The following NYAP2 variants were observed in gnomAD, a reference collection of about 807,000 sequenced individuals.
The protein encoded by NYAP2 is neuronal tyrosine-phosphorylated phosphoinositide-3-kinase adaptor 2, also known as neuronal tyrosine-phosphorylated phosphoinositide-3-kinase adapter 2.
Under a neutral mutation model 50.4 loss-of-function variants are expected in NYAP2, and 23 were observed. The observed-to-expected ratio is 0.46, with a 90% CI of 0.33 to 0.65. NYAP2 has a LOEUF of 0.65. NYAP2 is among the 30% of genes least tolerant of loss of function. The pLI is 0.02. For synonymous variants in NYAP2, 394 were observed against 365.2 expected (o/e 1.08, Z -0.90); for missense variants, 885 against 861.0 (o/e 1.03, Z -0.35).
At chr2:225,558,556 G>A (rs1371192384) in intron 4 of NYAP2, among the ~76,000 whole-genome samples, 1 of 152,102 alleles carries the variant, frequency 6.6e-6, no homozygotes, top group African/African-American at 2.4e-5. Flanking sequence ...AACAGCCAGG[G>A]AACAGGTTCC....
intron 6 of NYAP2, among the ~76,000 whole-genome samples, chr2:225,643,690 G>A (rs866108050): frequency 2.6e-5 from 4 of 151,500 alleles, no homozygotes; most frequent in Non-Finnish European, 4.4e-5. Flanking sequence ...GAGAATATGC[G>A]GTGTTTGGTT....
intron 3 of NYAP2, among the ~76,000 whole-genome samples, chr2:225,508,689 C>G (rs1235217868): frequency 6.6e-6 from 1 of 152,156 alleles, no homozygotes; most frequent in Non-Finnish European, 1.5e-5. Context: ...AGGTCTTGAC[C>G]AGTGCAACAG....
chr2:225,525,222 C>T (rs774321572), intron 4 of NYAP2, among the ~76,000 whole-genome samples: 102 of 152,302 alleles, frequency 6.7e-4, no homozygotes, highest in Middle Eastern at 6.8e-3. Context: ...GCTGCAATCT[C>T]ACTACTAGGT....
intron 5 of NYAP2, among the ~76,000 whole-genome samples, chr2:225,591,458 A>G (rs529923041): frequency 6.6e-6 from 1 of 152,280 alleles, no homozygotes; most frequent in South Asian, 2.1e-4. Flanking sequence ...CAAAGAAACT[A>G]GTGGTAAGGA....
intron 3 of NYAP2, among the ~76,000 whole-genome samples, chr2:225,496,891 A>G (rs907848844): frequency 5.9e-5 from 9 of 152,278 alleles, no homozygotes; most frequent in African/African-American, 2.2e-4. Context: ...ACCAACTAAG[A>G]TACTGCCTCC....
At chr2:225,552,427 A>C (rs1387272814) in intron 4 of NYAP2, among the ~76,000 whole-genome samples, 2 of 152,196 alleles carry the variant, frequency 1.3e-5, no homozygotes, top group Non-Finnish European at 2.9e-5. Context: ...CACCAAATTC[A>C]TATGATGAAT....
At chr2:225,552,844 C>T (rs1454149110) in intron 4 of NYAP2, among the ~76,000 whole-genome samples, 2 of 152,136 alleles carry the variant, frequency 1.3e-5, no homozygotes, top group Non-Finnish European at 2.9e-5. Context: ...CCTGCCACCA[C>T]ACCTGACTAA....
intron 4 of NYAP2, among the ~76,000 whole-genome samples, chr2:225,523,471 A>G (rs1175733586): frequency 6.6e-6 from 1 of 152,106 alleles, no homozygotes; most frequent in Non-Finnish European, 1.5e-5. Context: ...AATCCCATTT[A>G]TAATAGCTAT....
At chr2:225,673,787 A>G in the NYAP2 span, among the ~76,000 whole-genome samples, 1 of 152,168 alleles carries the variant, frequency 6.6e-6, no homozygotes, top group African/African-American at 2.4e-5. Context: ...TGGTAAAACA[A>G]GAACATTCAG....
chr2:225,540,801 T>C (rs943127438), intron 4 of NYAP2, among the ~76,000 whole-genome samples: 1 of 152,222 alleles, frequency 6.6e-6, no homozygotes, highest in Non-Finnish European at 1.5e-5. Flanking sequence ...GGATATATAC[T>C]TAGTTGTGGG....
chr2:225,649,770 C>A lies in NYAP2; in HGVS notation c.1829-1662C>A, dbSNP rs569291200. On this transcript the variant is annotated intron_variant, in intron 6 of 6. Coordinates refer to ENST00000636099, the Ensembl canonical transcript of NYAP2. Reference sequence around the variant, plus strand: ...ACAACTCTCTGGCAAGTTCCTGGCACATAGTAGGCATAAAATACATAGATG... The same window carrying A: ...ACAACTCTCTGGCAAGTTCCTGGCAAATAGTAGGCATAAAATACATAGATG... Among the ~76,000 whole-genome samples the A allele has an allele frequency of 5.3e-5, 8 of 152,234 alleles. No homozygotes were observed. The South Asian group carries it at 1.2e-3, about 24-fold the overall frequency.
At chr2:225,696,362 G>C in the NYAP2 span, among the ~76,000 whole-genome samples, 460 of 151,912 alleles carry the variant, frequency 3.0e-3, 6 homozygotes, top group African/African-American at 0.011. Context: ...AAAACTACTA[G>C]GTATTCATCA....
chr2:225,640,787 T>G (rs1693513515), intron 6 of NYAP2, among the ~76,000 whole-genome samples: 1 of 152,214 alleles, frequency 6.6e-6, no homozygotes, highest in Non-Finnish European at 1.5e-5. Flanking sequence ...TATATATGCA[T>G]TATATTCATA....
chr2:225,523,173 A>G (rs1414486256), intron 4 of NYAP2, among the ~76,000 whole-genome samples: 2 of 152,046 alleles, frequency 1.3e-5, no homozygotes, highest in Non-Finnish European at 2.9e-5. Flanking sequence ...TGACACTTAT[A>G]AGTGGCCATA....
At chr2:225,518,372 T>C (rs1167327590) in intron 4 of NYAP2, among the ~76,000 whole-genome samples, 5 of 150,778 alleles carry the variant, frequency 3.3e-5, no homozygotes, top group Non-Finnish European at 7.4e-5. Flanking sequence ...GTGAAAGTAT[T>C]GGTCAAAGGA....
intron 5 of NYAP2, among the ~76,000 whole-genome samples, chr2:225,612,810 A>ATGTGTGTGATGACATCACACCCAC (rs1692920506): frequency 8.4e-5 from 5 of 59,674 alleles, no homozygotes; most frequent in East Asian, 4.2e-4. Context: ...ATCACACCCA[A>ATGTGTGTGATGACATCACACCCAC]TGTGTGTGAT....
At chr2:225,698,034 T>A in the NYAP2 span, among the ~76,000 whole-genome samples, 5 of 151,680 alleles carry the variant, frequency 3.3e-5, no homozygotes, top group Non-Finnish European at 7.4e-5. Flanking sequence ...AAAAATTAGC[T>A]GGGCATGGTG....
At chr2:225,621,578 A>G (rs1212961706) in intron 5 of NYAP2, among the ~76,000 whole-genome samples, 2 of 152,214 alleles carry the variant, frequency 1.3e-5, no homozygotes, top group African/African-American at 4.8e-5. Flanking sequence ...TGTACTTTAC[A>G]CTAGTGAACT....
chr2:225,606,131 G>C (rs903437184), intron 5 of NYAP2, among the ~76,000 whole-genome samples: 5 of 152,078 alleles, frequency 3.3e-5, no homozygotes, highest in Admixed American at 2.6e-4. Context: ...TTACAGTTAA[G>C]CAAATAGAGG....
Sources: gnomAD v4.1 joint callset for allele counts (sites outside exome capture counted in the v4.1 genomes callset) on GRCh38, gnomAD v4.1.1 for gene constraint, MANE v1.5 for transcripts, NCBI Gene and HGNC (gene_info 2026-07-23, HGNC 2026-07-21) for gene names.